Variants in ZNF136 observed in about 807,000 individuals in gnomAD.
ZNF136 encodes zinc finger protein 136 (clone pHZ-20).
Under a neutral mutation model 11.4 loss-of-function variants are expected in ZNF136, and 8 were observed. The observed-to-expected ratio is 0.70, with a 90% CI of 0.41 to 1.27. The LOEUF (loss-of-function observed/expected upper bound fraction) is 1.27. Among genes scored for constraint, ZNF136 ranks in the 50% most tolerant of loss-of-function variants. The pLI, the probability that ZNF136 is intolerant of heterozygous loss-of-function variation, is 0.01. For missense variants in ZNF136, 590 were observed against 656.5 expected (o/e 0.90, Z 1.11); for synonymous variants, 190 against 207.1 (o/e 0.92, Z 0.71).
rs1470479621 is a variant in ZNF136, at chr19:12,180,014, C to T, written c.4-5771C>T. ...CCGAGTAGCTGGGACTACAGGTGCC[C>T]GCCACCACACCCGGCTAATTTTTTT... On this transcript the variant is annotated intron_variant, in intron 1 of 3. Coordinates refer to ENST00000343979, the MANE Select transcript of ZNF136 (RefSeq NM_003437.5). Among the ~76,000 whole-genome samples, 9 of 151,740 alleles carry T rather than the reference C, an allele frequency of 5.9e-5. No individual in the cohort carries two copies. In the East Asian group the frequency reaches 1.2e-3, roughly 20 times the overall value.
chr19:12,164,398 T>C (rs1200143061), intron 1 of ZNF136, among the ~76,000 whole-genome samples: 2 of 150,588 alleles, frequency 1.3e-5, no homozygotes, highest in Non-Finnish European at 1.5e-5. Context: ...CAGCCTCCCC[T>C]GTAGTTGGGA....
rs1914920015 is a variant in ZNF136 at position 12,180,784 on chromosome 19, A to G, written c.4-5001A>G. On this transcript the variant is annotated intron_variant, in intron 1 of 3. Transcript: ENST00000343979. ...AGGTATGGCTTATTGTCATTTTTGCATTGGTTAAAAATTTTAATGCATGTA... is the reference window on the plus strand; with the variant it reads ...AGGTATGGCTTATTGTCATTTTTGCGTTGGTTAAAAATTTTAATGCATGTA... Among the ~76,000 whole-genome samples the G allele has an allele frequency of 2.0e-5, 3 of 152,188 alleles. No homozygotes were observed. In the East Asian group the frequency reaches 5.8e-4, roughly 29 times the overall value.
intron 1 of ZNF136, among the ~76,000 whole-genome samples, chr19:12,175,367 G>A (rs928117237): frequency 2.6e-5 from 4 of 151,938 alleles, no homozygotes; most frequent in African/African-American, 9.7e-5. Context: ...GCTAATTTTT[G>A]TATTTTTAGT....
chr19:12,178,739 C>T (rs1018549641), intron 1 of ZNF136, among the ~76,000 whole-genome samples: 2 of 151,894 alleles, frequency 1.3e-5, no homozygotes, highest in African/African-American at 4.8e-5. Flanking sequence ...GCCTGTAATC[C>T]CAGTACTTTG....
At position 12,186,608 on chromosome 19, in the gene ZNF136, G is replaced by T; in HGVS notation, c.230G>T (p.Gly77Val). Residue 77 changes from glycine to valine, a missense_variant, in exon 4 of 4, where the codon GGT becomes GTT. Gly to Val is a moderately radical substitution (Grantham distance 109). Transcript: ENST00000343979. ...GAAAGACTCTATCAAACTAAGGATG[G>T]TAGTCAGCGTGGAGGAATTTTTAGC... ...MLERLYQTKDGSQRGGIFSQF... is the reference protein window; with the variant it reads ...MLERLYQTKDVSQRGGIFSQF... 6.2e-7 allele frequency: 1 copy of T among 1,613,974 alleles called. No homozygotes were observed. Among genetic ancestry groups the T allele is most frequent in the Non-Finnish European group, 8.5e-7 (1 of 1,179,912 alleles).
chr19:12,173,416 G>A, intron 1 of ZNF136, among the ~76,000 whole-genome samples: 1 of 152,006 alleles, frequency 6.6e-6, no homozygotes, highest in South Asian at 2.1e-4. Flanking sequence ...CTGTATAAAA[G>A]GCCCAAGAGG....
chr19:12,188,148 C>A lies in ZNF136; in HGVS notation c.*147C>A. Reference sequence around the variant, plus strand: ...AGAGAAGCCATATACATGTAAGTAACATGGGAAAGCTTTCAATCATTTTAG... The same window carrying A: ...AGAGAAGCCATATACATGTAAGTAAAATGGGAAAGCTTTCAATCATTTTAG... On this transcript the variant is annotated 3_prime_UTR_variant, in exon 4 of 4. Coordinates refer to ENST00000343979, the MANE Select transcript of ZNF136 (RefSeq NM_003437.5). 1.8e-6 allele frequency: 1 copy of A among 551,936 alleles called. No homozygotes were observed. The allele number at this position is 551,936 out of a possible 1,614,324, so 34.2% of individuals were successfully genotyped here.
At position 12,188,239 on chromosome 19, in the gene ZNF136, C is replaced by A. The variant is rs1450319026; in HGVS notation, c.*238C>A. The A allele has an allele frequency of 8.1e-6, 3 of 368,434 alleles. No homozygotes were observed. The East Asian group carries it at 1.3e-4, about 15-fold the overall frequency. 22.8% of individuals were successfully genotyped at this position (368,434 alleles called of 1,614,324 possible). A position where few individuals can be genotyped will look rare whatever the true frequency, so the allele number is the denominator to read the frequency against. On this transcript the variant is annotated 3_prime_UTR_variant, in exon 4 of 4. Coordinates refer to ENST00000343979, the MANE Select transcript of ZNF136 (RefSeq NM_003437.5). ...CAAACAAATGCTTTTTGGAAAGGAACCCATATTTGAGAGAAACCCTGGGTA... is the reference window on the plus strand; with the variant it reads ...CAAACAAATGCTTTTTGGAAAGGAAACCATATTTGAGAGAAACCCTGGGTA...
intron 3 of ZNF136, 54 bp from the exon 4 acceptor site, chr19:12,186,516 A>C (rs964911513): frequency 4.3e-6 from 6 of 1,384,644 alleles, no homozygotes; most frequent in Non-Finnish European, 5.9e-6. Context: ...TTTAATAGCT[A>C]TTAATATAAA....
intron 1 of ZNF136, chr19:12,185,535 G>T: frequency 2.7e-6 from 1 of 364,100 alleles, no homozygotes; most frequent in Non-Finnish European, 4.9e-6. Context: ...ACATTAGCTG[G>T]GACTCAGGCA....
rs778496573 is a variant in ZNF136 at position 12,186,605 on chromosome 19, A to G, written c.227A>G (p.Asp76Gly). The G allele has an allele frequency of 2.5e-5, 40 of 1,613,864 alleles. No homozygotes were observed. The highest frequency in any genetic ancestry group is 3.4e-5 in the Non-Finnish European group (40 of 1,179,898). ...HMLERLYQTK[D>G]GSQRGGIFSQ... Reference sequence around the variant, plus strand: ...TTAGAAAGACTCTATCAAACTAAGGATGGTAGTCAGCGTGGAGGAATTTTT... The same window carrying G: ...TTAGAAAGACTCTATCAAACTAAGGGTGGTAGTCAGCGTGGAGGAATTTTT... Residue 76 changes from aspartate (D) to glycine (G), a missense_variant, in exon 4 of 4, where the codon GAT becomes GGT. Coordinates refer to ENST00000343979, the MANE Select transcript of ZNF136 (RefSeq NM_003437.5).
At chr19:12,180,565 G>T (rs1914914086) in intron 1 of ZNF136, among the ~76,000 whole-genome samples, 1 of 152,190 alleles carries the variant, frequency 6.6e-6, no homozygotes, top group Non-Finnish European at 1.5e-5. Flanking sequence ...CTGAGGGTGT[G>T]TGTATATGTT....
intron 1 of ZNF136, among the ~76,000 whole-genome samples, chr19:12,169,951 C>T (rs1433461558): frequency 6.6e-6 from 1 of 151,904 alleles, no homozygotes; most frequent in Non-Finnish European, 1.5e-5. Flanking sequence ...CCTGCCACCA[C>T]GTCCGGCTAA....
chr19:12,165,261 A>G (rs900444388), intron 1 of ZNF136, among the ~76,000 whole-genome samples: 4 of 152,156 alleles, frequency 2.6e-5, no homozygotes, highest in African/African-American at 7.2e-5. Context: ...AGTGAGCACT[A>G]TGGGGGTAGA....
In ZNF136 at chr19:12,186,145, T is replaced by A; in HGVS notation, c.162T>A (p.Asp54Glu). The A allele has an allele frequency of 6.2e-7, 1 of 1,611,688 alleles. No homozygotes were observed. The highest frequency in any genetic ancestry group is 8.5e-7 in the Non-Finnish European group (1 of 1,179,432). The change falls in exon 3 of 4, where the codon GAT becomes GAA. Residue 54 changes from aspartate (D) to glutamate (E), a missense_variant. Coordinates refer to ENST00000343979, the MANE Select transcript of ZNF136 (RefSeq NM_003437.5). ...AATGGAAGGACCAGAACATTAAAGA[T>A]CACTACAAACACCGAGGGAGAAATC... ...GKKWKDQNIK[D>E]HYKHRGRNLR...
rs1915162670 is a variant in ZNF136, at chr19:12,187,974, T to G, written c.1596T>G (p.Pro532=). Residue 532 remains proline (P), a synonymous_variant, in exon 4 of 4, where the codon CCT becomes CCG. Transcript: ENST00000343979. ...HMLTHAEDGP[P]YKCMWESL is the part of the protein sequence containing the mutation. ...TAACACATGCTGAAGATGGACCACC[T>G]TATAAATGCATGTGGGAAAGCCTTT... 6.5e-7 allele frequency: 1 copy of G among 1,531,482 alleles called. No individual in the cohort carries two copies. 94.9% of individuals were successfully genotyped at this position (1,531,482 alleles called of 1,614,324 possible). A position where few individuals can be genotyped will look rare whatever the true frequency, so the allele number is the denominator to read the frequency against.
chr19:12,186,511 T>C, intron 3 of ZNF136, 59 bp from the exon 4 acceptor site: 1 of 1,345,630 alleles, frequency 7.4e-7, no homozygotes, highest in Non-Finnish European at 1.0e-6. Context: ...GCAAGTTTAA[T>C]AGCTATTAAT....
chr19:12,169,605 C>G (rs1599452336), intron 1 of ZNF136, among the ~76,000 whole-genome samples: 1 of 92,204 alleles, frequency 1.1e-5, no homozygotes, highest in African/African-American at 4.3e-5. Flanking sequence ...AGTACTGATT[C>G]TGAATTTTTT....
chr19:12,173,595 C>T (rs1914714599), intron 1 of ZNF136, among the ~76,000 whole-genome samples: 1 of 152,208 alleles, frequency 6.6e-6, no homozygotes. Flanking sequence ...GCTTCTCCAC[C>T]TGGCTGTTTA....
Sources: gnomAD v4.1 joint callset for allele counts (sites outside exome capture counted in the v4.1 genomes callset) on GRCh38, gnomAD v4.1.1 for gene constraint, MANE v1.5 for transcripts, NCBI Gene and HGNC (gene_info 2026-07-23, HGNC 2026-07-21) for gene names.